Variants in DPF3 observed in about 807,000 individuals in gnomAD.
DPF3 encodes the protein double PHD fingers 3.
Under a neutral mutation model 56.8 loss-of-function variants are expected in DPF3, and 18 were observed. The observed-to-expected ratio is 0.32, with a 90% CI of 0.22 to 0.47. The LOEUF (loss-of-function observed/expected upper bound fraction) is 0.47, where lower values mean the gene tolerates loss of function less well. Ranked by LOEUF, DPF3 falls within the 20% of genes least tolerant of loss-of-function variation. The pLI is 1.00. For missense variants in DPF3, 403 were observed against 488.8 expected (o/e 0.82, Z 1.65); for synonymous variants, 188 against 180.2 (o/e 1.04, Z -0.35).
chr14:72,747,876 G>C (rs990736813), intron 3 of DPF3, among the ~76,000 whole-genome samples: 1 of 152,104 alleles, frequency 6.6e-6, no homozygotes, highest in African/African-American at 2.4e-5. Context: ...GATGTGGCTT[G>C]CTCCTCTTTG....
At chr14:72,702,575 C>T (rs922383076) in intron 6 of DPF3, among the ~76,000 whole-genome samples, 3 of 152,206 alleles carry the variant, frequency 2.0e-5, no homozygotes, top group African/African-American at 7.2e-5. Flanking sequence ...ACCAGACCGG[C>T]TCGTAGAAGT....
intron 1 of DPF3, among the ~76,000 whole-genome samples, chr14:72,810,681 G>T (rs920853883): frequency 3.9e-5 from 6 of 152,170 alleles, no homozygotes; most frequent in Non-Finnish European, 8.8e-5. Flanking sequence ...CCCCCACCCA[G>T]CAAGCACCCA....
intron 1 of DPF3, among the ~76,000 whole-genome samples, chr14:72,817,736 A>G (rs566012903): frequency 5.6e-4 from 85 of 152,288 alleles, no homozygotes; most frequent in Middle Eastern, 3.4e-3. Context: ...GATTATATAG[A>G]TGAATATCTA....
At chr14:72,726,817 T>C (rs866225966) in intron 4 of DPF3, among the ~76,000 whole-genome samples, 2 of 152,242 alleles carry the variant, frequency 1.3e-5, no homozygotes, top group East Asian at 1.9e-4. Flanking sequence ...ACAGTCTTTA[T>C]GGTGATAACA....
intron 7 of DPF3, among the ~76,000 whole-genome samples, chr14:72,690,789 A>G (rs1042077837): frequency 5.9e-5 from 9 of 152,212 alleles, no homozygotes; most frequent in Non-Finnish European, 1.3e-4. Context: ...ATATAAGGAG[A>G]TAAGCTAGCA....
Position 72,610,994 on chromosome 14 carries a change from C to A in DPF3, c.*8303G>T, listed in dbSNP as rs917689024. 1.3e-4 allele frequency among the ~76,000 whole-genome samples: 20 copies of A among 152,348 alleles called. No homozygotes were observed. Among genetic ancestry groups the A allele is most frequent in the African/African-American group, 4.8e-4 (20 of 41,578 alleles). Reference sequence around the variant, plus strand: ...TGCATGCTTTTCAGGCTGTCACGCACTTTAAAACCAGACTCACAGCCAAGC... The same window carrying A: ...TGCATGCTTTTCAGGCTGTCACGCAATTTAAAACCAGACTCACAGCCAAGC... On this transcript the variant is annotated 3_prime_UTR_variant, in exon 11 of 11. Coordinates refer to ENST00000556509, the MANE Select transcript of DPF3 (RefSeq NM_001280542.3).
chr14:72,821,198 A>T (rs570281856), intron 1 of DPF3, among the ~76,000 whole-genome samples: 1 of 151,370 alleles, frequency 6.6e-6, no homozygotes, highest in African/African-American at 2.4e-5. Flanking sequence ...CTGAGGTGGG[A>T]GGCAGAGCCT....
At chr14:72,884,953 T>TATATATATATATATATATATAC (rs1316175906) in intron 1 of DPF3, among the ~76,000 whole-genome samples, 30 of 73,776 alleles carry the variant, frequency 4.1e-4, no homozygotes, top group East Asian at 1.4e-3. Context: ...TATATATATA[T>TATATATATATATATATATATAC]ATATATATAT....
chr14:72,733,414 G>C (rs912925349), intron 3 of DPF3, among the ~76,000 whole-genome samples: 4 of 152,116 alleles, frequency 2.6e-5, no homozygotes, highest in African/African-American at 7.2e-5. Flanking sequence ...TTTTGGGCAG[G>C]GGTGAGGGTG....
chr14:72,622,305 A>G (rs1212520291), intron 9 of DPF3, among the ~76,000 whole-genome samples: 1 of 152,162 alleles, frequency 6.6e-6, no homozygotes, highest in Non-Finnish European at 1.5e-5. Flanking sequence ...ACAGGCAGAG[A>G]AAAAAAGACT....
intron 6 of DPF3, among the ~76,000 whole-genome samples, chr14:72,703,521 C>A (rs547516191): frequency 5.7e-5 from 1 of 17,396 alleles, no homozygotes; most frequent in Non-Finnish European, 9.3e-4. Context: ...ATGCAGAAAC[C>A]CCCCAAAACC....
chr14:72,846,583 AC>A lies in DPF3; in HGVS notation c.32+47473del, dbSNP rs533569106. On this transcript the variant is annotated intron_variant, in intron 1 of 10. Transcript: ENST00000556509. ...AATCTCCTGACCTTGTGATCTGCCC[AC>A]CTCGGCCTCCCAAAGTGCTGGGATT... 2.2e-3 allele frequency among the ~76,000 whole-genome samples: 326 copies of A among 151,100 alleles called. 1 individual carries two copies. The highest frequency in any genetic ancestry group is 5.0e-3 in the South Asian group (24 of 4,756).
Position 72,796,115 on chromosome 14 carries a change from G to T in DPF3, c.33-24222C>A, listed in dbSNP as rs553409046. On this transcript the variant is annotated intron_variant, in intron 1 of 10. Coordinates refer to ENST00000556509, the MANE Select transcript of DPF3 (RefSeq NM_001280542.3). The stretch of plus-strand genomic sequence containing the variant: ...TGAAGTTAAAATATATATACACTGG[G>T]TCTATATTAGAATATATGAGACTTG... Among the ~76,000 whole-genome samples, 37 of 152,224 alleles carry T rather than the reference G, an allele frequency of 2.4e-4. No individual in the cohort carries two copies. In the South Asian group the frequency reaches 7.3e-3, roughly 30 times the overall value.
Position 72,687,481 on chromosome 14 carries a change from C to T in DPF3, c.742+5595G>A, listed in dbSNP as rs985777976. ...TAGTAATTGCTACTCTGGCTTCCCA[C>T]TGTCTATAGGAATAAAGACTACACA... On this transcript the variant is annotated intron_variant, in intron 7 of 10. Coordinates refer to ENST00000556509, the MANE Select transcript of DPF3 (RefSeq NM_001280542.3). 2.0e-5 allele frequency among the ~76,000 whole-genome samples: 3 copies of T among 152,208 alleles called. No homozygotes were observed. In the South Asian group the frequency reaches 6.2e-4, roughly 31 times the overall value.
At chr14:72,839,342 T>C (rs1278624308) in intron 1 of DPF3, among the ~76,000 whole-genome samples, 2 of 152,184 alleles carry the variant, frequency 1.3e-5, no homozygotes, top group Non-Finnish European at 2.9e-5. Flanking sequence ...AATTTTTATC[T>C]TAAATACTGG....
In DPF3 at chr14:72,887,018, A is replaced by G. The variant is rs117231575; in HGVS notation, c.32+7039T>C. Among the ~76,000 whole-genome samples, 1,516 of 152,218 alleles carry G rather than the reference A, an allele frequency of 1.0e-2. 19 individuals carry two copies. Among genetic ancestry groups the G allele is most frequent in the Non-Finnish European group, 0.015 (1,053 of 68,010 alleles). ...CCAGGTATCTGTGGCTGCCCAAATT[A>G]AAATAAAATAAGCACTTTATTTTCA... On this transcript the variant is annotated intron_variant, in intron 1 of 10. Transcript: ENST00000556509.
intron 1 of DPF3, among the ~76,000 whole-genome samples, chr14:72,876,054 A>G (rs59515778): frequency 1.6e-5 from 2 of 124,788 alleles, no homozygotes; most frequent in Non-Finnish European, 3.4e-5. Flanking sequence ...AAGAAGAAGA[A>G]GAGGAGGAGG....
chr14:72,844,799 A>C (rs1417082811), intron 1 of DPF3, among the ~76,000 whole-genome samples: 1 of 152,060 alleles, frequency 6.6e-6, no homozygotes, highest in African/African-American at 2.4e-5. Flanking sequence ...CATATAATCT[A>C]GTGCACAGAT....
At chr14:72,881,348 T>C (rs1301058190) in intron 1 of DPF3, among the ~76,000 whole-genome samples, 2 of 151,830 alleles carry the variant, frequency 1.3e-5, no homozygotes, top group African/African-American at 2.4e-5. Flanking sequence ...GTTGTTGTTG[T>C]TTTTAACACA....
Sources: allele counts gnomAD v4.1 joint callset (sites outside exome capture counted in the v4.1 genomes callset), GRCh38; gene constraint gnomAD v4.1.1; transcripts MANE v1.5; gene names NCBI Gene and HGNC (gene_info 2026-07-23, HGNC 2026-07-21).